The following ADGRB2 variants were observed in gnomAD, a reference collection of about 807,000 sequenced individuals.
ADGRB2 encodes the protein brain-specific angiogenesis inhibitor 2.
Under a neutral mutation model 178.7 loss-of-function variants are expected in ADGRB2, and 47 were observed. The observed-to-expected ratio is 0.26, with a 90% CI of 0.21 to 0.34. The LOEUF (loss-of-function observed/expected upper bound fraction) is 0.34, where lower values mean the gene tolerates loss of function less well. Ranked by LOEUF, ADGRB2 falls within the 10% of genes least tolerant of loss-of-function variation. ADGRB2 has a pLI of 1.00. For missense variants in ADGRB2, 1,584 were observed against 2,180.8 expected, an observed-to-expected ratio of 0.73 and a Z score of 5.45; for synonymous variants, 870 against 912.4, an observed-to-expected ratio of 0.95 and a Z score of 0.84.
chr1:31,741,041 ACTGGCC>A lies in ADGRB2; in HGVS notation c.1794+326_1794+331del. 6.6e-6 allele frequency among the ~76,000 whole-genome samples: 1 copy of A among 152,238 alleles called. No individual in the cohort carries two copies. The highest frequency in any genetic ancestry group is 1.9e-4 in the East Asian group (1 of 5,172). ...TCACTGATGCTACTCTTACCCCATG[ACTGGCC>A]CTGGGCTGGATGCTGGGGACACAAA... On this transcript the variant is annotated intron_variant, in intron 11 of 32. Coordinates refer to ENST00000373658, the MANE Select transcript of ADGRB2 (RefSeq NM_001364857.2). This position sits in a 1 kb window ranked among gnomAD's most constrained non-coding sequence, Gnocchi z 6.5.
At position 31,736,566 on chromosome 1, in the gene ADGRB2, T is replaced by G; in HGVS notation, c.3130+7A>C. On this transcript the variant is annotated splice_region_variant and intron_variant, in intron 21 of 32. Coordinates refer to ENST00000373658, the MANE Select transcript of ADGRB2 (RefSeq NM_001364857.2). ...CAGCAGCAGAGTCCAGCACTGGCCC[T>G]GCTCACCCCAGCCCAGGCAGAGGAA... 6.2e-7 allele frequency: 1 copy of G among 1,613,344 alleles called. No homozygotes were observed. The highest frequency in any genetic ancestry group is 1.1e-5 in the South Asian group (1 of 90,994).
rs534934008 is a variant in ADGRB2 at position 31,759,186 on chromosome 1, A to G, written c.-190-1675T>C. On this transcript the variant is annotated intron_variant, in intron 1 of 32. Coordinates refer to ENST00000373658, the MANE Select transcript of ADGRB2 (RefSeq NM_001364857.2). The surrounding 1 kb of genome is among the most constrained non-coding windows in gnomAD (Gnocchi z 4.3). ...TATGAATGGATACATATGTACACGG[A>G]CATGCACACAGGTGAAACCCACAGA... 6.7e-5 allele frequency: 49 copies of G among 730,212 alleles called. No individual in the cohort carries two copies. Among genetic ancestry groups the G allele is most frequent in the Non-Finnish European group, 1.2e-4 (45 of 389,630 alleles). 45.2% of individuals were successfully genotyped at this position (730,212 alleles called of 1,614,324 possible).
At chr1:31,739,170 A>C (rs1254231123) in intron 15 of ADGRB2, 138 bp downstream of exon 15, 17 of 1,034,370 alleles carry the variant, frequency 1.6e-5, no homozygotes, top group Non-Finnish European at 2.2e-5. Flanking sequence ...GCATGTGTCC[A>C]GAGCCAGGCA....
Position 31,743,130 on chromosome 1 carries a change from G to T in ADGRB2, c.1088-128C>A, listed in dbSNP as rs1237567345. ...CTGCTCCTCATTGGCTCTGCCCCGGGATCTGTTGCCAGGGGGATCTCCCAG... is the reference window on the plus strand; with the variant it reads ...CTGCTCCTCATTGGCTCTGCCCCGGTATCTGTTGCCAGGGGGATCTCCCAG... On this transcript the variant is annotated intron_variant, in intron 6 of 32. Coordinates refer to ENST00000373658, the MANE Select transcript of ADGRB2 (RefSeq NM_001364857.2). 12 of 1,132,428 alleles carry T rather than the reference G, an allele frequency of 1.1e-5. No homozygotes were observed. In the African/African-American group the frequency reaches 1.8e-4, roughly 17 times the overall value. 70.1% of individuals were successfully genotyped at this position (1,132,428 alleles called of 1,614,324 possible). A position where few individuals can be genotyped will look rare whatever the true frequency, so the allele number is the denominator to read the frequency against.
At position 31,756,120 on chromosome 1, in the gene ADGRB2, T is replaced by C. The variant is rs772490823; in HGVS notation, c.717A>G (p.Pro239=). Reference sequence around the variant, plus strand: ...ACAGGGTGTGGGCAGCAGGAGGGCCTGGAGATGTGGTGGTGGTGGAGCCGG... The same window carrying C: ...ACAGGGTGTGGGCAGCAGGAGGGCCCGGAGATGTGGTGGTGGTGGAGCCGG... The part of the protein sequence containing the change: ...AGAGSTTTTS[P]GPPAAHTLSN... The change falls in exon 4 of 33, where the codon CCA becomes CCG. Residue 239 remains proline (P), a synonymous_variant. Coordinates refer to ENST00000373658, the MANE Select transcript of ADGRB2 (RefSeq NM_001364857.2). The surrounding 1 kb of genome is among the most constrained non-coding windows in gnomAD (Gnocchi z 8.5). 1.1e-5 allele frequency: 18 copies of C among 1,613,574 alleles called. No individual in the cohort carries two copies. The South Asian group carries it at 2.0e-4, about 18-fold the overall frequency.
Position 31,753,531 on chromosome 1 carries a change from CT to C in ADGRB2, c.838+2467del, listed in dbSNP as rs1430971564. Among the ~76,000 whole-genome samples the C allele has an allele frequency of 6.6e-6, 1 of 152,196 alleles. No homozygotes were observed. The highest frequency in any genetic ancestry group is 1.5e-5 in the Non-Finnish European group (1 of 68,028). ...CCCAGAGAAGATGAACACAGCTTCC[CT>C]GCCCTGGTGCCTGGGAGAGGGGCCA... On this transcript the variant is annotated intron_variant, in intron 4 of 32. Transcript: ENST00000373658. The surrounding 1 kb of genome is among the most constrained non-coding windows in gnomAD (Gnocchi z 4.1).
chr1:31,730,230 G>A (rs1047629748), intron 29 of ADGRB2, among the ~76,000 whole-genome samples: 8 of 152,190 alleles, frequency 5.3e-5, no homozygotes, highest in Non-Finnish European at 1.2e-4. Flanking sequence ...GCTTTTCTCC[G>A]GAAGAGAGGG....
chr1:31,731,512 G>A (rs1054621111), intron 28 of ADGRB2, 93 bp from the exon 29 acceptor site: 35 of 1,452,226 alleles, frequency 2.4e-5, no homozygotes, highest in Non-Finnish European at 3.0e-5. Context: ...AAGCTTCTGC[G>A]CTTGGACAGG....
intron 1 of ADGRB2, among the ~76,000 whole-genome samples, chr1:31,760,379 C>T (rs1039317745): frequency 2.0e-5 from 3 of 152,186 alleles, no homozygotes; most frequent in Non-Finnish European, 2.9e-5. Context: ...AAGAATCTCA[C>T]TCTGCCCAAA....
chr1:31,729,388 T>C (rs1415495694), intron 29 of ADGRB2, among the ~76,000 whole-genome samples: 1 of 152,104 alleles, frequency 6.6e-6, no homozygotes, highest in Non-Finnish European at 1.5e-5. Flanking sequence ...CATGGGCCCA[T>C]GGCATTCACT....
intron 4 of ADGRB2, among the ~76,000 whole-genome samples, chr1:31,745,193 C>T (rs1231270479): frequency 6.6e-6 from 1 of 152,214 alleles, no homozygotes; most frequent in Admixed American, 6.5e-5. Flanking sequence ...ATTGTACTGA[C>T]TCCTAGGGGC....
Position 31,727,429 on chromosome 1 carries a change from T to C in ADGRB2, c.4749A>G (p.Thr1583=). 1 of 1,584,480 alleles carries C rather than the reference T, an allele frequency of 6.3e-7. No individual in the cohort carries two copies. The highest frequency in any genetic ancestry group is 8.5e-7 in the Non-Finnish European group (1 of 1,171,568). Residue 1583 remains threonine (T), a synonymous_variant, in exon 33 of 33, where the codon ACA becomes ACG. Transcript: ENST00000373658. The surrounding 1 kb of genome is among the most constrained non-coding windows in gnomAD (Gnocchi z 4.4). ...CAGTCCAGCGTGGCACTCACACCTC[T>C]GTCTGGAAGTCACCATCCGGTGGTT... The part of the protein sequence containing the change: ...PTEPPDGDFQ[T]EV
At chr1:31,738,115 G>C (rs1645727640) in intron 18 of ADGRB2, 85 bp downstream of exon 18, 2 of 1,560,318 alleles carry the variant, frequency 1.3e-6, no homozygotes, top group African/African-American at 1.4e-5. Flanking sequence ...GGATCACCCA[G>C]GCGCCTGCCA....
rs1051506906 is a variant in ADGRB2, at chr1:31,735,251, G to A, written c.3384C>T (p.Leu1128=). The A allele has an allele frequency of 1.4e-5, 21 of 1,470,346 alleles. No individual in the cohort carries two copies. Among genetic ancestry groups the A allele is most frequent in the Non-Finnish European group, 1.9e-5 (21 of 1,103,748 alleles). 91.1% of individuals were successfully genotyped at this position (1,470,346 alleles called of 1,614,324 possible). A position where few individuals can be genotyped will look rare whatever the true frequency, so the allele number is the denominator to read the frequency against. ...CCGCTCCACACGCTGAGCAGGGGAG[G>A]AGCAGGCTGGCCCAGGGGCACCGCT... ...GSERCPWASL[L]LPCSACGAVP... Residue 1128 remains leucine (L), a synonymous_variant, in exon 25 of 33, where the codon CTC becomes CTT. Coordinates refer to ENST00000373658, the MANE Select transcript of ADGRB2 (RefSeq NM_001364857.2). The surrounding 1 kb of genome is among the most constrained non-coding windows in gnomAD (Gnocchi z 6.0).
chr1:31,735,132 C>T lies in ADGRB2; in HGVS notation c.3452+51G>A. ...CCCCCACCATGGGCACTGCCCCCCC[C>T]AATTCCTTTGCCCCACCCACCCCCA... On this transcript the variant is annotated intron_variant, in intron 25 of 32. Coordinates refer to ENST00000373658, the MANE Select transcript of ADGRB2 (RefSeq NM_001364857.2). The surrounding 1 kb of genome is among the most constrained non-coding windows in gnomAD (Gnocchi z 6.0). The T allele has an allele frequency of 8.3e-7, 1 of 1,204,608 alleles. No individual in the cohort carries two copies. The allele number at this position is 1,204,608 out of a possible 1,614,324, so 74.6% of individuals were successfully genotyped here. A position where few individuals can be genotyped will look rare whatever the true frequency, so the allele number is the denominator to read the frequency against.
chr1:31,744,108 C>A lies in ADGRB2; in HGVS notation c.1087+85G>T, dbSNP rs1646141515. On this transcript the variant is annotated intron_variant, in intron 6 of 32. Coordinates refer to ENST00000373658, the MANE Select transcript of ADGRB2 (RefSeq NM_001364857.2). This position sits in a 1 kb window ranked among gnomAD's most constrained non-coding sequence, Gnocchi z 6.7. The stretch of plus-strand genomic sequence containing the variant: ...TTGTTGAATGAAAGGAGGAGGCAAC[C>A]AACCATTTTGGAGATTAATCTGCCC... 1 of 1,430,438 alleles carries A rather than the reference C, an allele frequency of 7.0e-7. No individual in the cohort carries two copies. The highest frequency in any genetic ancestry group is 1.5e-5 in the South Asian group (1 of 66,650). 88.6% of individuals were successfully genotyped at this position (1,430,438 alleles called of 1,614,324 possible).
intron 1 of ADGRB2, among the ~76,000 whole-genome samples, chr1:31,763,378 C>CA (rs1647103784): frequency 6.6e-6 from 1 of 150,384 alleles, no homozygotes; most frequent in African/African-American, 2.5e-5. Flanking sequence ...AAACTATGGG[C>CA]AGACATGGAT....
In ADGRB2 at chr1:31,744,822, C is replaced by T; in HGVS notation, c.839-91G>A. On this transcript the variant is annotated intron_variant, in intron 4 of 32. Coordinates refer to ENST00000373658, the MANE Select transcript of ADGRB2 (RefSeq NM_001364857.2). The surrounding 1 kb of genome is among the most constrained non-coding windows in gnomAD (Gnocchi z 6.7). The stretch of plus-strand genomic sequence containing the variant: ...TGAAGGCAGCCTTCCTTGCCCTCCG[C>T]CTGAGGGCCTGGAACCAACTGCATG... The T allele has an allele frequency of 7.8e-7, 1 of 1,280,406 alleles. No individual in the cohort carries two copies. The highest frequency in any genetic ancestry group is 1.5e-5 in the African/African-American group (1 of 67,930). The allele number at this position is 1,280,406 out of a possible 1,614,324, so 79.3% of individuals were successfully genotyped here.
rs1179827774 is a variant in ADGRB2 at position 31,735,220 on chromosome 1, TG to T, written c.3414del (p.Ser1139AlafsTer37). The T allele has an allele frequency of 7.0e-7, 1 of 1,438,626 alleles. No homozygotes were observed. The highest frequency in any genetic ancestry group is 2.6e-5 in the Admixed American group (1 of 37,798). The allele number at this position is 1,438,626 out of a possible 1,614,324, so 89.1% of individuals were successfully genotyped here. On this transcript the variant is annotated frameshift_variant, in exon 25 of 33. Coordinates refer to ENST00000373658, the MANE Select transcript of ADGRB2 (RefSeq NM_001364857.2). LOFTEE classifies it high-confidence loss of function. The surrounding 1 kb of genome is among the most constrained non-coding windows in gnomAD (Gnocchi z 6.0). The part of the protein sequence containing the change: ...LLPCSACGAV[P>X]SPLLSSASAR... ...GCCGAGGCTGAGCTGAGCAGGGGGC[TG>T]GGGACCGCTCCACACGCTGAGCAGG...
Sources: allele counts gnomAD v4.1 joint callset (sites outside exome capture counted in the v4.1 genomes callset), GRCh38; gene constraint gnomAD v4.1.1; non-coding constraint Gnocchi (gnomAD v3.1); transcripts MANE v1.5; gene names NCBI Gene and HGNC (gene_info 2026-07-23, HGNC 2026-07-21).